Variants in FHIT observed in about 807,000 individuals in gnomAD.
The protein encoded by FHIT is bis(5'-adenosyl)-triphosphatase.
Under a neutral mutation model 17.9 loss-of-function variants are expected in FHIT, and 19 were observed. The observed-to-expected ratio is 1.06, with a 90% CI of 0.74 to 1.56. The LOEUF (loss-of-function observed/expected upper bound fraction) is 1.56, where lower values mean the gene tolerates loss of function less well. Among genes scored for constraint, FHIT ranks in the 40% most tolerant of loss-of-function variants. The pLI, the probability that FHIT is intolerant of heterozygous loss-of-function variation, is 0.00. For synonymous variants in FHIT, 81 were observed against 69.7 expected (o/e 1.16, Z -0.81); for missense variants, 248 against 189.2 (o/e 1.31, Z -1.82).
intron 5 of FHIT, among the ~76,000 whole-genome samples, chr3:60,298,942 C>G (rs749793528): frequency 3.3e-5 from 5 of 152,030 alleles, no homozygotes; most frequent in African/African-American, 4.8e-5. Flanking sequence ...AGATCATTAC[C>G]CTTTCTCACA....
intron 4 of FHIT, among the ~76,000 whole-genome samples, chr3:60,799,622 C>A (rs1031548641): frequency 1.4e-4 from 21 of 152,310 alleles, no homozygotes; most frequent in African/African-American, 5.1e-4. Context: ...GCCTCGGGAC[C>A]TTTGCACATG....
intron 4 of FHIT, chr3:60,730,743 T>C (rs1425820885): frequency 6.6e-6 from 1 of 152,326 alleles, no homozygotes; most frequent in African/African-American, 2.4e-5. Flanking sequence ...TTTTTGCTAA[T>C]CCTAGGAAAA....
intron 4 of FHIT, among the ~76,000 whole-genome samples, chr3:60,540,996 C>T (rs1368532671): frequency 4.6e-5 from 7 of 152,208 alleles, no homozygotes; most frequent in African/African-American, 1.7e-4. Flanking sequence ...GAACCAGAAA[C>T]TCTGGGACAA....
At chr3:61,185,435 C>T (rs192662433) in intron 2 of FHIT, among the ~76,000 whole-genome samples, 3 of 152,142 alleles carry the variant, frequency 2.0e-5, no homozygotes, top group South Asian at 2.1e-4. Context: ...CATCATCATA[C>T]GAACTTAATT....
chr3:60,033,022 G>C (rs1701065513), intron 5 of FHIT, among the ~76,000 whole-genome samples: 1 of 151,826 alleles, frequency 6.6e-6, no homozygotes, highest in Non-Finnish European at 1.5e-5. Flanking sequence ...AACTGACTCA[G>C]TTAAAAAAAA....
At chr3:60,160,615 T>C (rs1700898090) in intron 5 of FHIT, among the ~76,000 whole-genome samples, 2 of 152,188 alleles carry the variant, frequency 1.3e-5, no homozygotes, top group Admixed American at 6.5e-5. Context: ...AATGGCTTTT[T>C]GTGGTGAGCA....
chr3:60,842,480 C>G (rs1702754477), intron 3 of FHIT, among the ~76,000 whole-genome samples: 1 of 151,506 alleles, frequency 6.6e-6, no homozygotes, highest in African/African-American at 2.4e-5. Flanking sequence ...CAGCCAAGGA[C>G]CCATAGGCTT....
chr3:60,106,611 G>A (rs1010277940), intron 5 of FHIT, among the ~76,000 whole-genome samples: 2 of 152,180 alleles, frequency 1.3e-5, no homozygotes, highest in Non-Finnish European at 2.9e-5. Flanking sequence ...AGGGGGTACT[G>A]TTGTATATCA....
At chr3:60,797,476 TA>T in intron 4 of FHIT, among the ~76,000 whole-genome samples, 1 of 151,202 alleles carries the variant, frequency 6.6e-6, no homozygotes, top group Non-Finnish European at 1.5e-5. Context: ...GTAGTAGTAG[TA>T]GTAGTAGTAG....
rs565441122 is a variant in FHIT at position 60,473,847 on chromosome 3, C to T, written c.103+63013G>A. 8.6e-5 allele frequency among the ~76,000 whole-genome samples: 13 copies of T among 151,864 alleles called. No homozygotes were observed. In the East Asian group the frequency reaches 1.9e-3, roughly 23 times the overall value. On this transcript the variant is annotated intron_variant, in intron 5 of 9. Coordinates refer to ENST00000492590, the MANE Select transcript of FHIT (RefSeq NM_002012.4). ...CCGAGGCAGGAGAATTACTTGAACC[C>T]GGGAGGAGGAGGTTGCAGTGAGCTG...
At chr3:60,511,000 G>T (rs2034931770) in intron 5 of FHIT, among the ~76,000 whole-genome samples, 1 of 152,114 alleles carries the variant, frequency 6.6e-6, no homozygotes, top group African/African-American at 2.4e-5. Context: ...GATGATGGGG[G>T]AAATGCAGGT....
chr3:59,889,480 C>T (rs1460022970), intron 8 of FHIT, among the ~76,000 whole-genome samples: 1 of 152,178 alleles, frequency 6.6e-6, no homozygotes, highest in Non-Finnish European at 1.5e-5. Context: ...CAAATTACAT[C>T]ATGAAGGTGA....
Position 61,042,515 on chromosome 3 carries a change from T to C in FHIT, c.-163-416A>G, listed in dbSNP as rs533079112. Among the ~76,000 whole-genome samples the C allele has an allele frequency of 2.0e-3, 302 of 152,268 alleles. 2 individuals are homozygous for C. The highest frequency in any genetic ancestry group is 6.9e-3 in the African/African-American group (286 of 41,558). ...AGAATTGATCACATATTCTCTCTAG[T>C]TCTGTATATATTTGACATTTTACAC... On this transcript the variant is annotated intron_variant, in intron 2 of 9. Coordinates refer to ENST00000492590, the MANE Select transcript of FHIT (RefSeq NM_002012.4).
chr3:60,591,910 A>G (rs1407648353), intron 4 of FHIT, among the ~76,000 whole-genome samples: 2 of 151,812 alleles, frequency 1.3e-5, no homozygotes, highest in Non-Finnish European at 2.9e-5. Flanking sequence ...GGGAGCATTT[A>G]CCCCGACCAT....
chr3:60,332,340 G>C (rs1710019600), intron 5 of FHIT, among the ~76,000 whole-genome samples: 1 of 152,196 alleles, frequency 6.6e-6, no homozygotes, highest in South Asian at 2.1e-4. Context: ...CTGAGCCTCT[G>C]GCCTGATCAA....
chr3:60,176,467 AT>A (rs1701675823), intron 5 of FHIT, among the ~76,000 whole-genome samples: 1 of 152,236 alleles, frequency 6.6e-6, no homozygotes, highest in South Asian at 2.1e-4. Flanking sequence ...GTTTACCTGC[AT>A]TTCATAAGGG....
At chr3:60,029,897 C>CTGTG (rs71089569) in intron 5 of FHIT, among the ~76,000 whole-genome samples, 2,644 of 127,864 alleles carry the variant, frequency 0.021, 80 homozygotes, top group African/African-American at 0.072. Flanking sequence ...GTGTGTGTGT[C>CTGTG]TGTGTGTGTG....
chr3:59,962,033 C>G (rs1707711217), intron 7 of FHIT, among the ~76,000 whole-genome samples: 1 of 152,172 alleles, frequency 6.6e-6, no homozygotes, highest in Admixed American at 6.5e-5. Flanking sequence ...CAAAATACAG[C>G]AGAATCATTC....
At chr3:61,179,967 T>C (rs1411523399) in intron 2 of FHIT, among the ~76,000 whole-genome samples, 1 of 152,104 alleles carries the variant, frequency 6.6e-6, no homozygotes, top group Admixed American at 6.5e-5. Context: ...ATGTTATGCT[T>C]CTACAGAAAA....
Sources: allele counts gnomAD v4.1 joint callset (sites outside exome capture counted in the v4.1 genomes callset), GRCh38; gene constraint gnomAD v4.1.1; transcripts MANE v1.5; gene names NCBI Gene and HGNC (gene_info 2026-07-23, HGNC 2026-07-21).